LRBA: variants seen among roughly 807,000 people sequenced by gnomAD.
LRBA encodes LPS responsive beige-like anchor protein.
A neutral mutation model predicts 330.0 loss-of-function variants in LRBA; 176 were observed. That is an observed-to-expected ratio of 0.53 (90% CI 0.47 to 0.60). The LOEUF is 0.60. Among genes scored for constraint, LRBA ranks in the 20% least tolerant of loss-of-function variants. The probability of loss-of-function intolerance (pLI) is 0.00; values close to 1 mark genes in which losing one functional copy is unlikely to be tolerated. For synonymous variants in LRBA, 1,230 were observed against 1,193.0 expected (o/e 1.03, Z -0.64); for missense variants, 3,259 against 3,444.8 (o/e 0.95, Z 1.35).
intron 35 of LRBA, among the ~76,000 whole-genome samples, chr4:150,744,515 CATTAT>C (rs749495767): frequency 5.1e-4 from 78 of 152,328 alleles, no homozygotes; most frequent in Non-Finnish European, 8.4e-4. Flanking sequence ...ATTTCATATA[CATTAT>C]AACTGAATAA....
intron 52 of LRBA, among the ~76,000 whole-genome samples, chr4:150,305,001 A>G (rs907587912): frequency 6.6e-6 from 1 of 152,214 alleles, no homozygotes; most frequent in African/African-American, 2.4e-5. Context: ...TGCTGAGAGC[A>G]CATAAAATAT....
chr4:151,009,192 A>C (rs1413759939), intron 2 of LRBA, among the ~76,000 whole-genome samples: 1 of 150,652 alleles, frequency 6.6e-6, no homozygotes, highest in African/African-American at 2.4e-5. Flanking sequence ...TATAGAGTAC[A>C]ACTGTTTATA....
At chr4:150,440,343 G>C (rs926603403) in intron 44 of LRBA, among the ~76,000 whole-genome samples, 6 of 151,762 alleles carry the variant, frequency 4.0e-5, no homozygotes, top group Non-Finnish European at 7.4e-5. Context: ...CAAATAAATA[G>C]AATTATAGAA....
At chr4:150,319,409 G>C (rs1024689441) in intron 50 of LRBA, among the ~76,000 whole-genome samples, 1 of 152,128 alleles carries the variant, frequency 6.6e-6, no homozygotes, top group African/African-American at 2.4e-5. Flanking sequence ...ACCGCACATA[G>C]AGTAGGTAAA....
At chr4:150,754,863 C>T (rs1734081125) in intron 35 of LRBA, among the ~76,000 whole-genome samples, 1 of 152,278 alleles carries the variant, frequency 6.6e-6, no homozygotes, top group South Asian at 2.1e-4. Context: ...TTAAGTAACA[C>T]TCAAGGATTT....
chr4:150,600,489 G>A (rs1048953319), intron 37 of LRBA, among the ~76,000 whole-genome samples: 4 of 152,102 alleles, frequency 2.6e-5, no homozygotes, highest in Admixed American at 6.5e-5. Context: ...TAAACAGTAC[G>A]TTATTTAAAG....
intron 4 of LRBA, among the ~76,000 whole-genome samples, chr4:150,926,401 G>A (rs1457110219): frequency 6.6e-6 from 1 of 152,158 alleles, no homozygotes; most frequent in Non-Finnish European, 1.5e-5. Flanking sequence ...ACTAGCCGTA[G>A]CGTAACAGCC....
chr4:151,000,386 A>C (rs1743198950), intron 2 of LRBA, among the ~76,000 whole-genome samples: 1 of 152,162 alleles, frequency 6.6e-6, no homozygotes, highest in Non-Finnish European at 1.5e-5. Flanking sequence ...TTTCCTTGTA[A>C]GTCAAGAACT....
At chr4:150,849,063 G>T in intron 25 of LRBA, 65 bp from the exon 26 acceptor site, 2 of 1,109,066 alleles carry the variant, frequency 1.8e-6, no homozygotes, top group Non-Finnish European at 2.6e-6. Context: ...ACCAGATATA[G>T]TCCTAAAATT....
intron 40 of LRBA, among the ~76,000 whole-genome samples, chr4:150,525,235 A>G (rs375815449): frequency 6.6e-6 from 1 of 151,764 alleles, no homozygotes; most frequent in Non-Finnish European, 1.5e-5. Flanking sequence ...TGAAGAAAAT[A>G]TTATTTTATG....
chr4:150,351,893 C>A (rs1396227060), intron 47 of LRBA, among the ~76,000 whole-genome samples: 7 of 151,926 alleles, frequency 4.6e-5, no homozygotes, highest in Non-Finnish European at 1.0e-4. Flanking sequence ...ACAACAATAA[C>A]AACAAAATTG....
chr4:150,555,787 A>AC lies in LRBA; in HGVS notation c.6330+32260_6330+32261insG, dbSNP rs397995787. 1.7e-3 allele frequency among the ~76,000 whole-genome samples: 246 copies of AC among 143,814 alleles called. 3 individuals are homozygous for AC. The highest frequency in any genetic ancestry group is 0.01 in the Middle Eastern group (3 of 294). The allele number at this position is 143,814 out of a possible 152,430, so 94.3% of individuals were successfully genotyped here. On this transcript the variant is annotated intron_variant, in intron 40 of 56. Transcript: ENST00000651943. The stretch of plus-strand genomic sequence containing the variant: ...CACACACACACACACACACACACAC[A>AC]AACAAATAGAATCTAAAAATATTCT...
At chr4:150,314,469 G>A (rs1479853137) in intron 51 of LRBA, among the ~76,000 whole-genome samples, 1 of 152,100 alleles carries the variant, frequency 6.6e-6, no homozygotes, top group African/African-American at 2.4e-5. Context: ...GCTAATGGTA[G>A]CCATTTAGCT....
intron 37 of LRBA, among the ~76,000 whole-genome samples, chr4:150,657,453 A>T (rs1037984274): frequency 6.6e-6 from 1 of 152,040 alleles, no homozygotes. Context: ...TATTCCATTT[A>T]TTCTGAAGAT....
chr4:150,800,002 C>T (rs1741368091), intron 33 of LRBA, among the ~76,000 whole-genome samples: 1 of 152,182 alleles, frequency 6.6e-6, no homozygotes, highest in Non-Finnish European at 1.5e-5. Context: ...ACCTTGGCCT[C>T]CCAAAGTGCT....
In LRBA at chr4:150,784,238, A is replaced by C. The variant is rs184765159; in HGVS notation, c.5580+13843T>G. Among the ~76,000 whole-genome samples the C allele has an allele frequency of 1.3e-3, 202 of 152,306 alleles. 4 individuals are homozygous for C. The highest frequency in any genetic ancestry group is 0.013 in the Admixed American group (202 of 15,294). On this transcript the variant is annotated intron_variant, in intron 34 of 56. Coordinates refer to ENST00000651943, the MANE Select transcript of LRBA (RefSeq NM_001364905.1). The stretch of plus-strand genomic sequence containing the variant: ...TGTGGTGATGCTGTAGGAGTTATTA[A>C]GAAATTATTTTAGGCAGATAGAGAG...
chr4:150,297,757 G>C (rs1046694916), intron 53 of LRBA, among the ~76,000 whole-genome samples: 10 of 152,170 alleles, frequency 6.6e-5, no homozygotes, highest in Admixed American at 1.3e-4. Flanking sequence ...CTGTGATCAA[G>C]AAGCTAACAA....
Position 150,491,011 on chromosome 4 carries a change from G to A in LRBA, c.6355C>T (p.His2119Tyr). ...ATCTCTGTGAACAGCCATTTTCCAT[G>A]CAGCCCTTCTGTATATGCCAAGATC... ...PKILAYTEGL[H>Y]GKWLFTEIRS... The change falls in exon 41 of 57, where the codon CAT (histidine) becomes TAT (tyrosine). Residue 2119 changes from histidine (H) to tyrosine (Y), a missense_variant. By Grantham distance (83) the His-to-Tyr change is moderately conservative (BLOSUM62 2). Transcript: ENST00000651943. 1 of 1,604,642 alleles carries A rather than the reference G, an allele frequency of 6.2e-7. No individual in the cohort carries two copies. The highest frequency in any genetic ancestry group is 1.1e-5 in the South Asian group (1 of 89,666).
chr4:150,669,069 C>T (rs1473137785), intron 37 of LRBA, among the ~76,000 whole-genome samples: 2 of 152,132 alleles, frequency 1.3e-5, no homozygotes, highest in African/African-American at 4.8e-5. Flanking sequence ...CTAAGGTCGT[C>T]CAGTAGAGTG....
Sources: allele counts gnomAD v4.1 joint callset (sites outside exome capture counted in the v4.1 genomes callset), GRCh38; gene constraint gnomAD v4.1.1; transcripts MANE v1.5; gene names NCBI Gene and HGNC (gene_info 2026-07-23, HGNC 2026-07-21).